Variants in XKR3 observed in about 807,000 individuals in gnomAD.
XKR3 encodes XK-related protein 3.
In XKR3, 27 loss-of-function variants were observed where a neutral mutation model predicts 40.3. The observed-to-expected ratio is 0.67, with a 90% CI of 0.49 to 0.92. XKR3 has a LOEUF of 0.92. Ranked by LOEUF, XKR3 falls within the 40% of genes least tolerant of loss-of-function variation. The probability of loss-of-function intolerance (pLI) is 0.00; values close to 1 mark genes in which losing one functional copy is unlikely to be tolerated. For synonymous variants in XKR3, 193 were observed against 195.4 expected (o/e 0.99, Z 0.10); for missense variants, 472 against 537.6 (o/e 0.88, Z 1.21).
chr22:16,807,891 A>G lies in XKR3; in HGVS notation c.183T>C (p.Ala61=), dbSNP rs776506197. 12 of 1,613,950 alleles carry G rather than the reference A, an allele frequency of 7.4e-6. No homozygotes were observed. The highest frequency in any genetic ancestry group is 1.7e-5 in the Admixed American group (1 of 60,002). Residue 61 remains alanine (A), a synonymous_variant, in exon 2 of 4, where the codon GCT becomes GCC. Transcript: ENST00000684488. ...GLYMFEIYRK[A]NDTFWMSFTI... ...TAAATGACATCCAGAATGTGTCATT[A>G]GCTTTTCGATAAATTTCAAACATGT...
chr22:16,792,981 C>T (rs1232856588), intron 3 of XKR3, among the ~76,000 whole-genome samples: 3 of 152,170 alleles, frequency 2.0e-5, no homozygotes, highest in Admixed American at 6.5e-5. Flanking sequence ...TAAATGTCTA[C>T]ATTCCTGCTG....
rs573200396 is a variant in XKR3 at position 16,799,179 on chromosome 22, CAAGGCAGGTGGATCACG to C, written c.589+575_589+591del. On this transcript the variant is annotated intron_variant, in intron 3 of 3. Coordinates refer to ENST00000684488, the MANE Select transcript of XKR3 (RefSeq NM_001386955.1). ...CAGTAATCCCAGTACTTTGGGAGGC[CAAGGCAGGTGGATCACG>C]AGGTCAGGAGATCGAGACCATCCTG... Among the ~76,000 whole-genome samples the C allele has an allele frequency of 4.8e-4, 73 of 151,842 alleles. 3 individuals are homozygous for C. In the East Asian group the frequency reaches 0.013, roughly 27 times the overall value.
At position 16,784,322 on chromosome 22, in the gene XKR3, G is replaced by A. The variant is rs1451097837; in HGVS notation, c.677C>T (p.Thr226Ile). The A allele has an allele frequency of 1.9e-6, 3 of 1,614,056 alleles. No homozygotes were observed. Among genetic ancestry groups the A allele is most frequent in the Non-Finnish European group, 2.5e-6 (3 of 1,180,028 alleles). The change falls in exon 4 of 4, where the codon ACT (threonine) becomes ATT (isoleucine). Residue 226 changes from threonine (T) to isoleucine (I), a missense_variant. Coordinates refer to ENST00000684488, the MANE Select transcript of XKR3 (RefSeq NM_001386955.1). ...TTCTATCGGCGGTAGCTTAATGGTAGTATCATCATTGCTGATCTGGATGGC... is the reference window on the plus strand; with the variant it reads ...TTCTATCGGCGGTAGCTTAATGGTAATATCATCATTGCTGATCTGGATGGC... ...ILAIQISNDD[T>I]TIKLPPIEFF...
intron 2 of XKR3, 141 bp downstream of exon 2, chr22:16,807,598 T>G: frequency 1.2e-6 from 1 of 826,038 alleles, no homozygotes; most frequent in South Asian, 2.1e-5. Context: ...GTTACGAAAG[T>G]GTGAAAACTA....
chr22:16,792,643 C>G (rs2060125254), intron 3 of XKR3, among the ~76,000 whole-genome samples: 1 of 152,212 alleles, frequency 6.6e-6, no homozygotes, highest in African/African-American at 2.4e-5. Flanking sequence ...ATTTGGCAAA[C>G]AACTTCTTAG....
intron 3 of XKR3, among the ~76,000 whole-genome samples, chr22:16,790,662 T>A (rs1370054724): frequency 2.6e-5 from 4 of 152,304 alleles, no homozygotes; most frequent in Admixed American, 1.3e-4. Flanking sequence ...CATACAAGTT[T>A]ACTTATATAA....
chr22:16,814,714 CTCTTA>C (rs1254636652), intron 1 of XKR3, among the ~76,000 whole-genome samples: 4 of 151,922 alleles, frequency 2.6e-5, no homozygotes, highest in African/African-American at 4.8e-5. Context: ...GTATTTTATT[CTCTTA>C]TCTTTGTGAA....
At chr22:16,793,893 T>C (rs1601841646) in intron 3 of XKR3, among the ~76,000 whole-genome samples, 1 of 152,216 alleles carries the variant, frequency 6.6e-6, no homozygotes, top group Admixed American at 6.5e-5. Flanking sequence ...AATAAGAACA[T>C]TATAATACAA....
intron 1 of XKR3, among the ~76,000 whole-genome samples, chr22:16,816,265 C>G (rs1245450666): frequency 6.6e-6 from 1 of 151,790 alleles, no homozygotes; most frequent in African/African-American, 2.4e-5. Context: ...TGTTCAATCC[C>G]TCTCCCTACC....
At position 16,811,886 on chromosome 22, in the gene XKR3, G is replaced by A. The variant is rs1303084533; in HGVS notation, c.-10-3803C>T. On this transcript the variant is annotated intron_variant, in intron 1 of 3. Coordinates refer to ENST00000684488, the MANE Select transcript of XKR3 (RefSeq NM_001386955.1). ...TATCCCAGCATGGTGGCGGGCACCT[G>A]TAGTTCCAACTACTCAGGAGGCTGA... Among the ~76,000 whole-genome samples the A allele has an allele frequency of 2.6e-5, 4 of 152,188 alleles. No homozygotes were observed. In the East Asian group the frequency reaches 5.8e-4, roughly 22 times the overall value.
At chr22:16,802,435 T>C (rs1287594071) in intron 2 of XKR3, among the ~76,000 whole-genome samples, 1 of 151,988 alleles carries the variant, frequency 6.6e-6, no homozygotes, top group Non-Finnish European at 1.5e-5. Flanking sequence ...CATTTAGAGG[T>C]AGAATGTCTA....
rs28852974 is a variant in XKR3, at chr22:16,789,684, T to G, written c.590-5275A>C. Among the ~76,000 whole-genome samples the G allele has an allele frequency of 4.4e-3, 666 of 152,054 alleles. 2 individuals are homozygous for G. The highest frequency in any genetic ancestry group is 0.012 in the African/African-American group (478 of 41,452). ...AATAGAAAGAAATTCAAAATTAATA[T>G]GAAACCGCAGAAAAAAAACCTGAAT... On this transcript the variant is annotated intron_variant, in intron 3 of 3. Coordinates refer to ENST00000684488, the MANE Select transcript of XKR3 (RefSeq NM_001386955.1).
intron 2 of XKR3, among the ~76,000 whole-genome samples, chr22:16,805,899 A>G (rs1266695831): frequency 6.6e-6 from 1 of 152,196 alleles, no homozygotes; most frequent in Admixed American, 6.5e-5. Flanking sequence ...ATTTAAAGAG[A>G]CAGTAGGAGT....
At chr22:16,804,238 C>T (rs922472510) in intron 2 of XKR3, among the ~76,000 whole-genome samples, 1 of 152,092 alleles carries the variant, frequency 6.6e-6, no homozygotes, top group Non-Finnish European at 1.5e-5. Flanking sequence ...ATTTTGTAAT[C>T]TTGCCCAAAT....
intron 3 of XKR3, among the ~76,000 whole-genome samples, chr22:16,797,672 G>A (rs1268093344): frequency 6.6e-6 from 1 of 151,524 alleles, no homozygotes; most frequent in Non-Finnish European, 1.5e-5. Context: ...GGGCACCTGT[G>A]GTCCCAGCTG....
Position 16,808,080 on chromosome 22 carries a change from G to C in XKR3, c.-7C>G. ...CTTCAAACACTGTCTCCATTCTCAG[G>C]GTGCTGCTAATTCAAAGTCGTCTTG... On this transcript the variant is annotated 5_prime_UTR_variant, in exon 2 of 4. Transcript: ENST00000684488. 1 of 1,578,984 alleles carries C rather than the reference G, an allele frequency of 6.3e-7. No homozygotes were observed. Among genetic ancestry groups the C allele is most frequent in the Non-Finnish European group, 8.6e-7 (1 of 1,164,876 alleles).
intron 1 of XKR3, among the ~76,000 whole-genome samples, chr22:16,815,556 A>C (rs1327572600): frequency 6.6e-6 from 1 of 152,036 alleles, no homozygotes; most frequent in Non-Finnish European, 1.5e-5. Context: ...TGTTGAGATC[A>C]CATTTTTGAA....
chr22:16,823,435 A>G (rs1391259726), intron 1 of XKR3, among the ~76,000 whole-genome samples: 1 of 152,198 alleles, frequency 6.6e-6, no homozygotes, highest in Non-Finnish European at 1.5e-5. Flanking sequence ...AGTATTTGAC[A>G]GTGAAATATG....
Position 16,825,379 on chromosome 22 carries a change from C to T in XKR3, c.-99G>A, listed in dbSNP as rs1031639806. Among the ~76,000 whole-genome samples, 1 of 152,194 alleles carries T rather than the reference C, an allele frequency of 6.6e-6. No homozygotes were observed. The highest frequency in any genetic ancestry group is 1.9e-4 in the East Asian group (1 of 5,206). ...TCTTTAACAGCACCATTTCTGGTCT[C>T]GTTTTCAACACTACGTCCTTTGCTT... On this transcript the variant is annotated 5_prime_UTR_variant, in exon 1 of 4. Transcript: ENST00000684488.
Sources: allele counts gnomAD v4.1 joint callset (sites outside exome capture counted in the v4.1 genomes callset), GRCh38; gene constraint gnomAD v4.1.1; transcripts MANE v1.5; gene names NCBI Gene and HGNC (gene_info 2026-07-23, HGNC 2026-07-21).